RAB3C: variants seen among roughly 807,000 people sequenced by gnomAD.
RAB3C encodes the protein ras-related protein Rab-3C.
Under a neutral mutation model 26.4 loss-of-function variants are expected in RAB3C, and 17 were observed. That is an observed-to-expected ratio of 0.64 (90% confidence interval 0.44 to 0.97). RAB3C has a LOEUF of 0.97. Among genes scored for constraint, RAB3C ranks in the 50% least tolerant of loss-of-function variants. RAB3C has a pLI of 0.00. For missense variants in RAB3C, 242 were observed against 281.9 expected (o/e 0.86, Z 1.01); for synonymous variants, 91 against 95.9 (o/e 0.95, Z 0.30).
At chr5:58,684,111 A>G (rs1748398743) in intron 2 of RAB3C, among the ~76,000 whole-genome samples, 1 of 152,186 alleles carries the variant, frequency 6.6e-6, no homozygotes. Flanking sequence ...TGCACTGAAC[A>G]TGTACAGACT....
intron 3 of RAB3C, among the ~76,000 whole-genome samples, chr5:58,733,296 G>A (rs1410160221): frequency 1.3e-5 from 2 of 152,138 alleles, no homozygotes; most frequent in African/African-American, 4.8e-5. Context: ...AGAAAACGCA[G>A]ACCTAGTGAA....
chr5:58,682,797 G>C (rs559718603), intron 2 of RAB3C, among the ~76,000 whole-genome samples: 1 of 152,140 alleles, frequency 6.6e-6, no homozygotes, highest in East Asian at 1.9e-4. Context: ...AAATGACTGA[G>C]AGCATCTGAA....
intron 4 of RAB3C, among the ~76,000 whole-genome samples, chr5:58,840,173 C>CA (rs1554021940): frequency 1.3e-5 from 2 of 150,036 alleles, no homozygotes; most frequent in Non-Finnish European, 3.0e-5. Flanking sequence ...TATCTTTTTT[C>CA]TTTTTTTTTC....
chr5:58,706,768 C>T (rs916063269), intron 2 of RAB3C, among the ~76,000 whole-genome samples: 3 of 152,202 alleles, frequency 2.0e-5, no homozygotes, highest in Non-Finnish European at 4.4e-5. Flanking sequence ...TATGTTCAAA[C>T]ATCTCCTGTG....
chr5:58,701,995 G>T (rs992235179), intron 2 of RAB3C, among the ~76,000 whole-genome samples: 7 of 152,142 alleles, frequency 4.6e-5, no homozygotes, highest in Non-Finnish European at 1.0e-4. Context: ...CAGAACTCAA[G>T]TGATGTCTTT....
At chr5:58,801,809 T>C (rs1278153169) in intron 3 of RAB3C, among the ~76,000 whole-genome samples, 1 of 152,234 alleles carries the variant, frequency 6.6e-6, no homozygotes, top group Non-Finnish European at 1.5e-5. Context: ...TGCTTAGGGA[T>C]ATAGTGAATC....
chr5:58,842,611 T>C, intron 4 of RAB3C, among the ~76,000 whole-genome samples: 1 of 152,230 alleles, frequency 6.6e-6, no homozygotes, highest in East Asian at 1.9e-4. Flanking sequence ...GACAAGGAAG[T>C]AGCCATCCTA....
chr5:58,626,007 C>T (rs1356117188), intron 2 of RAB3C, among the ~76,000 whole-genome samples: 1 of 152,040 alleles, frequency 6.6e-6, no homozygotes, highest in Non-Finnish European at 1.5e-5. Context: ...ATGTGCTGCA[C>T]ATTTGTTTAT....
At chr5:58,600,567 G>T (rs1238342904) in intron 1 of RAB3C, among the ~76,000 whole-genome samples, 1 of 151,972 alleles carries the variant, frequency 6.6e-6, no homozygotes, top group African/African-American at 2.4e-5. Flanking sequence ...CCTCGGTTAG[G>T]TATATTCCTA....
chr5:58,797,368 A>ATATATATATATATAT (rs1464292932), intron 3 of RAB3C, among the ~76,000 whole-genome samples: 14 of 22,798 alleles, frequency 6.1e-4, no homozygotes, highest in African/African-American at 1.6e-3. Flanking sequence ...GTATATATAT[A>ATATATATATATATAT]ATATATATAT....
At chr5:58,719,635 G>A (rs761134245) in intron 2 of RAB3C, among the ~76,000 whole-genome samples, 18 of 152,008 alleles carry the variant, frequency 1.2e-4, no homozygotes, top group Non-Finnish European at 2.1e-4. Flanking sequence ...GGTGTTAGCA[G>A]TGCCATGCTG....
At chr5:58,582,861 G>A (rs903438775), upstream of RAB3C, among the ~76,000 whole-genome samples, 1 of 152,220 alleles carries the variant, frequency 6.6e-6, no homozygotes, top group African/African-American at 2.4e-5. Context: ...GACTGGGAGA[G>A]GTAACCCAGG....
At chr5:58,840,232 T>G (rs1175306036) in intron 4 of RAB3C, among the ~76,000 whole-genome samples, 1 of 152,070 alleles carries the variant, frequency 6.6e-6, no homozygotes, top group Non-Finnish European at 1.5e-5. Flanking sequence ...AAATTCTTTT[T>G]TCTTCTTGGT....
chr5:58,727,907 A>G (rs1413530928), intron 3 of RAB3C, among the ~76,000 whole-genome samples: 2 of 152,042 alleles, frequency 1.3e-5, no homozygotes, highest in African/African-American at 4.8e-5. Flanking sequence ...TAATGGTGCC[A>G]CTATATCTTC....
At chr5:58,697,097 T>C (rs1030245873) in intron 2 of RAB3C, among the ~76,000 whole-genome samples, 1 of 152,230 alleles carries the variant, frequency 6.6e-6, no homozygotes, top group Non-Finnish European at 1.5e-5. Context: ...GCTTTAAACG[T>C]GTCCCAGAGG....
chr5:58,643,809 C>G (rs773697772), intron 2 of RAB3C, among the ~76,000 whole-genome samples: 14 of 152,126 alleles, frequency 9.2e-5, no homozygotes, highest in Admixed American at 8.5e-4. Context: ...ATTGCTAAAG[C>G]AATACTGTTT....
chr5:58,805,905 T>C (rs1046124905), intron 3 of RAB3C, among the ~76,000 whole-genome samples: 1 of 152,160 alleles, frequency 6.6e-6, no homozygotes, highest in African/African-American at 2.4e-5. Context: ...TCTGTATACA[T>C]AACCAGGTTT....
At chr5:58,837,632 C>T (rs1386970290) in intron 4 of RAB3C, among the ~76,000 whole-genome samples, 1 of 144,558 alleles carries the variant, frequency 6.9e-6, no homozygotes, top group Non-Finnish European at 1.5e-5. Flanking sequence ...AATGTAGGAT[C>T]ACTGCAACCT....
In RAB3C at chr5:58,794,339, G is replaced by C. The variant is rs191419480; in HGVS notation, c.372-30699G>C. On this transcript the variant is annotated intron_variant, in intron 3 of 4. Coordinates refer to ENST00000282878, the MANE Select transcript of RAB3C (RefSeq NM_138453.4). ...ACAGAGGAAGAAAAGTAGAAAAAAAGCTGGCATGACACAAAACAAAACACA... is the reference window on the plus strand; with the variant it reads ...ACAGAGGAAGAAAAGTAGAAAAAAACCTGGCATGACACAAAACAAAACACA... 8.7e-5 allele frequency: 13 copies of C among 149,156 alleles called. No individual in the cohort carries two copies. The South Asian group carries it at 1.7e-3, about 19-fold the overall frequency. The allele number at this position is 149,156 out of a possible 1,614,324, so 9.2% of individuals were successfully genotyped here. A position where few individuals can be genotyped will look rare whatever the true frequency, so the allele number is the denominator to read the frequency against.
Sources: gnomAD v4.1 joint callset for allele counts (sites outside exome capture counted in the v4.1 genomes callset) on GRCh38, gnomAD v4.1.1 for gene constraint, MANE v1.5 for transcripts, NCBI Gene and HGNC (gene_info 2026-07-23, HGNC 2026-07-21) for gene names.